The following RANBP2 variants were observed in gnomAD, a reference collection of about 807,000 sequenced individuals.
The protein encoded by RANBP2 is E3 SUMO-protein ligase RanBP2.
A neutral mutation model predicts 303.6 loss-of-function variants in RANBP2; 57 were observed. The ratio of observed to expected loss-of-function variants is 0.19; its 90% CI spans 0.15 to 0.23. The LOEUF is 0.23. RANBP2 is among the 10% of genes least tolerant of loss of function. RANBP2 has a pLI of 1.00. For missense variants in RANBP2, 3,138 were observed against 3,780.8 expected (o/e 0.83, Z 4.46); for synonymous variants, 1,167 against 1,301.5 (o/e 0.90, Z 2.23).
At chr2:109,330,345 C>T in the RANBP2 span, among the ~76,000 whole-genome samples, 13 of 152,262 alleles carry the variant, frequency 8.5e-5, no homozygotes, top group South Asian at 1.0e-3. Context: ...TATCTCTCTC[C>T]GTCTCTTCCT....
chr2:109,039,374 G>A, the RANBP2 span, among the ~76,000 whole-genome samples: 1,038 of 151,352 alleles, frequency 6.9e-3, 6 homozygotes, highest in East Asian at 0.035. Flanking sequence ...TTTTTGAGAC[G>A]GAGTCTTGCT....
At chr2:109,736,757 A>G in the RANBP2 span, among the ~76,000 whole-genome samples, 1 of 152,150 alleles carries the variant, frequency 6.6e-6, no homozygotes, top group East Asian at 1.9e-4. Context: ...TGTTTTAATG[A>G]ATGAGAGGAG....
chr2:108,912,650 G>A, the RANBP2 span: 5 of 1,556,014 alleles, frequency 3.2e-6, no homozygotes, highest in African/African-American at 4.1e-5. Context: ...CTAACTCCAG[G>A]TGATCGATAC....
chr2:109,048,836 T>A, the RANBP2 span, among the ~76,000 whole-genome samples: 1 of 152,148 alleles, frequency 6.6e-6, no homozygotes, highest in African/African-American at 2.4e-5. Flanking sequence ...AATTATATAC[T>A]TCTGTATCTA....
chr2:109,212,185 A>G, the RANBP2 span, among the ~76,000 whole-genome samples: 1 of 152,140 alleles, frequency 6.6e-6, no homozygotes, highest in Non-Finnish European at 1.5e-5. Context: ...TTGTCAGGGT[A>G]CCAGCCACTG....
At chr2:108,880,224 C>CAAAAA in the RANBP2 span, among the ~76,000 whole-genome samples, 3 of 50,454 alleles carry the variant, frequency 5.9e-5, no homozygotes, top group African/African-American at 1.5e-4. Flanking sequence ...CAAAAACAAA[C>CAAAAA]AAAAAAAAAA....
chr2:108,845,394 A>G, the RANBP2 span, among the ~76,000 whole-genome samples: 2 of 152,142 alleles, frequency 1.3e-5, no homozygotes, highest in African/African-American at 2.4e-5. Flanking sequence ...TGCAGGATCA[A>G]TACTGAGTTA....
At chr2:109,303,457 A>G in the RANBP2 span, among the ~76,000 whole-genome samples, 1 of 152,228 alleles carries the variant, frequency 6.6e-6, no homozygotes, top group Non-Finnish European at 1.5e-5. Flanking sequence ...TACATGGCAG[A>G]ACACTAAGAA....
chr2:108,996,808 T>C, the RANBP2 span, among the ~76,000 whole-genome samples: 3 of 152,088 alleles, frequency 2.0e-5, no homozygotes, highest in African/African-American at 7.2e-5. Flanking sequence ...AGGTGGCTTT[T>C]CCAGATGGTT....
chr2:108,865,472 C>T, the RANBP2 span, among the ~76,000 whole-genome samples: 1 of 152,132 alleles, frequency 6.6e-6, no homozygotes, highest in African/African-American at 2.4e-5. Flanking sequence ...CCTTGACATT[C>T]TCTGTTGATG....
At chr2:109,557,324 G>C in the RANBP2 span, among the ~76,000 whole-genome samples, 1 of 152,168 alleles carries the variant, frequency 6.6e-6, no homozygotes, top group Non-Finnish European at 1.5e-5. Context: ...AACATTTGTT[G>C]AGTATCTGCT....
chr2:109,620,000 A>C, the RANBP2 span, among the ~76,000 whole-genome samples: 10 of 152,286 alleles, frequency 6.6e-5, no homozygotes, highest in East Asian at 1.7e-3. Flanking sequence ...AGAACACTAT[A>C]CTTTTTTTCT....
chr2:109,302,712 AAGGCATC>A, the RANBP2 span, among the ~76,000 whole-genome samples: 1 of 152,008 alleles, frequency 6.6e-6, no homozygotes, highest in Non-Finnish European at 1.5e-5. Context: ...CCCGGGAGAC[AAGGCATC>A]ATGGTGCTCC....
At chr2:109,486,215 A>G in the RANBP2 span, among the ~76,000 whole-genome samples, 3 of 152,186 alleles carry the variant, frequency 2.0e-5, no homozygotes, top group South Asian at 2.1e-4. Flanking sequence ...CTTCTGATTG[A>G]TCACTTCCTA....
chr2:109,588,424 A>G, the RANBP2 span, among the ~76,000 whole-genome samples: 1 of 152,214 alleles, frequency 6.6e-6, no homozygotes, highest in Non-Finnish European at 1.5e-5. Flanking sequence ...AAAATGTATA[A>G]GAAACACAAA....
chr2:109,494,586 T>C, the RANBP2 span, among the ~76,000 whole-genome samples: 4 of 152,302 alleles, frequency 2.6e-5, no homozygotes, highest in East Asian at 1.9e-4. Flanking sequence ...GCTGCTGGGC[T>C]GCGCCCTGTG....
At chr2:109,686,604 C>T in the RANBP2 span, among the ~76,000 whole-genome samples, 42 of 152,242 alleles carry the variant, frequency 2.8e-4, no homozygotes, top group African/African-American at 9.4e-4. Context: ...TAAGCCACAG[C>T]GTCCGGCTTC....
chr2:108,737,157 G>T (rs1421748337), intron 6 of RANBP2, among the ~76,000 whole-genome samples: 1 of 151,958 alleles, frequency 6.6e-6, no homozygotes, highest in Non-Finnish European at 1.5e-5. Context: ...TAAATTGGTA[G>T]GGTAAGAGCA....
At chr2:109,159,000 C>T in the RANBP2 span, among the ~76,000 whole-genome samples, 2 of 152,184 alleles carry the variant, frequency 1.3e-5, no homozygotes, top group Non-Finnish European at 2.9e-5. Context: ...GCCTGTAATC[C>T]CAGCTACTTG....
Sources: allele counts gnomAD v4.1 joint callset (sites outside exome capture counted in the v4.1 genomes callset), GRCh38; gene constraint gnomAD v4.1.1; transcripts MANE v1.5; gene names NCBI Gene and HGNC (gene_info 2026-07-23, HGNC 2026-07-21).